The following HIVEP3 variants were observed in gnomAD, a reference collection of about 807,000 sequenced individuals.
The protein encoded by HIVEP3 is HIVEP zinc finger 3.
Under a neutral mutation model 152.8 loss-of-function variants are expected in HIVEP3, and 49 were observed. The ratio of observed to expected loss-of-function variants is 0.32; its 90% CI spans 0.26 to 0.41. HIVEP3 has a LOEUF of 0.41. Among genes scored for constraint, HIVEP3 ranks in the 10% least tolerant of loss-of-function variants. The pLI, the probability that HIVEP3 is intolerant of heterozygous loss-of-function variation, is 1.00. For missense variants in HIVEP3, 2,790 were observed against 3,103.3 expected (o/e 0.90, Z 2.40); for synonymous variants, 1,269 against 1,289.0 (o/e 0.98, Z 0.33).
chr1:41,673,761 C>A (rs1645912701), intron 2 of HIVEP3, among the ~76,000 whole-genome samples: 1 of 152,056 alleles, frequency 6.6e-6, no homozygotes, highest in South Asian at 2.1e-4. Flanking sequence ...TGCTGTTGAG[C>A]TAGGGAAGAA....
intron 1 of HIVEP3, among the ~76,000 whole-genome samples, chr1:41,857,983 A>ATCTCTCTCTCTCTCTC (rs56967197): frequency 0.018 from 2,657 of 148,524 alleles, 57 homozygotes; most frequent in African/African-American, 0.044. Context: ...CAATCAATCA[A>ATCTCTCTCTCTCTCTC]TCTCTCTCTC....
chr1:42,001,083 G>C (rs1018672253), intron 1 of HIVEP3, among the ~76,000 whole-genome samples: 1 of 152,148 alleles, frequency 6.6e-6, no homozygotes, highest in Non-Finnish European at 1.5e-5. Context: ...TTGAATCCAG[G>C]TGGTCTGATC....
intron 3 of HIVEP3, among the ~76,000 whole-genome samples, chr1:41,611,953 T>C (rs1644904343): frequency 1.3e-5 from 2 of 152,112 alleles, no homozygotes; most frequent in African/African-American, 4.8e-5. Flanking sequence ...TCTGTGAAGA[T>C]ATAAACTCGC....
At chr1:41,954,778 C>T (rs564766081) in intron 1 of HIVEP3, among the ~76,000 whole-genome samples, 6 of 152,328 alleles carry the variant, frequency 3.9e-5, no homozygotes, top group East Asian at 3.9e-4. Flanking sequence ...GTTGCTTCAT[C>T]GCTCTTAGTC....
intron 5 of HIVEP3, chr1:41,544,121 G>C (rs1360753524): frequency 6.6e-6 from 1 of 152,058 alleles, no homozygotes; most frequent in Non-Finnish European, 1.5e-5. Flanking sequence ...AAGATGAAGA[G>C]GAACGTCTCT....
rs181437623 is a variant in HIVEP3 at position 41,704,254 on chromosome 1, T to C, written c.-800-3259A>G. Among the ~76,000 whole-genome samples the C allele has an allele frequency of 2.0e-3, 305 of 152,334 alleles. 1 individual carries two copies. The highest frequency in any genetic ancestry group is 3.5e-3 in the Non-Finnish European group (238 of 68,028). ...CACCGCTTTCTCCCTCACATGGGATTTGGGGGCCTTCACCAGGGATGGACT... is the reference window on the plus strand; with the variant it reads ...CACCGCTTTCTCCCTCACATGGGATCTGGGGGCCTTCACCAGGGATGGACT... On this transcript the variant is annotated intron_variant, in intron 1 of 8. Transcript: ENST00000372583.
chr1:42,032,633 C>A (rs1319444440), intron 1 of HIVEP3, among the ~76,000 whole-genome samples: 2 of 152,164 alleles, frequency 1.3e-5, no homozygotes, highest in African/African-American at 4.8e-5. Context: ...CCCAAGCCTC[C>A]ATCCTCTTAT....
In HIVEP3 at chr1:41,668,883, G is replaced by A. The variant is rs150504985; in HGVS notation, c.-721+32033C>T. ...CCCTACTAGGTTAGGAGAGCTCTGG[G>A]GTCAATGCTTGGTACCTACTAGGTG... On this transcript the variant is annotated intron_variant, in intron 2 of 8. Coordinates refer to ENST00000372583, the MANE Select transcript of HIVEP3 (RefSeq NM_024503.5). 8.1e-3 allele frequency among the ~76,000 whole-genome samples: 1,227 copies of A among 152,240 alleles called. 14 individuals carry two copies. The highest frequency in any genetic ancestry group is 0.048 in the Middle Eastern group (14 of 294).
chr1:41,751,599 C>A (rs763812339), intron 1 of HIVEP3, among the ~76,000 whole-genome samples: 6 of 152,104 alleles, frequency 3.9e-5, no homozygotes, highest in Non-Finnish European at 5.9e-5. Context: ...TTCAGGTGTG[C>A]GTTCTTCAAC....
At chr1:41,836,220 C>T (rs1396351359) in intron 1 of HIVEP3, among the ~76,000 whole-genome samples, 2 of 152,228 alleles carry the variant, frequency 1.3e-5, no homozygotes, top group Non-Finnish European at 2.9e-5. Context: ...TGGCTGAGCC[C>T]TCTGCCCCGC....
chr1:41,799,981 G>A (rs1650210342), intron 1 of HIVEP3, among the ~76,000 whole-genome samples: 1 of 152,156 alleles, frequency 6.6e-6, no homozygotes, highest in Non-Finnish European at 1.5e-5. Flanking sequence ...CCTAGGAGCA[G>A]CCTTACCCAA....
intron 1 of HIVEP3, among the ~76,000 whole-genome samples, chr1:41,868,424 A>C (rs559803220): frequency 6.6e-6 from 1 of 152,074 alleles, no homozygotes; most frequent in Admixed American, 6.5e-5. Context: ...TTTTATGCAA[A>C]TAAGTCTCTT....
chr1:41,730,020 C>T (rs1646814266), intron 1 of HIVEP3, among the ~76,000 whole-genome samples: 1 of 152,206 alleles, frequency 6.6e-6, no homozygotes, highest in South Asian at 2.1e-4. Context: ...AGTGAGTCGG[C>T]CAAGGTCCTC....
rs922760595 is a variant in HIVEP3 at position 41,580,110 on chromosome 1, G to A, written c.4688C>T (p.Pro1563Leu). The A allele has an allele frequency of 8.1e-6, 13 of 1,614,126 alleles. No individual in the cohort carries two copies. The highest frequency in any genetic ancestry group is 1.1e-5 in the Non-Finnish European group (13 of 1,180,052). The change falls in exon 4 of 9, where the codon CCC (proline) becomes CTC (leucine). Residue 1563 changes from proline (P) to leucine (L), a missense_variant. Coordinates refer to ENST00000372583, the MANE Select transcript of HIVEP3 (RefSeq NM_024503.5). ...KEDSKEQPDL[P>L]SLAPPSSLPL... is the part of the protein sequence containing the mutation. Reference sequence around the variant, plus strand: ...CAGAGAGCTCGGAGGTGCCAAGGAGGGGAGATCAGGTTGTTCCTTGGAATC... The same window carrying A: ...CAGAGAGCTCGGAGGTGCCAAGGAGAGGAGATCAGGTTGTTCCTTGGAATC...
chr1:41,994,820 T>C (rs1426536521), intron 1 of HIVEP3, among the ~76,000 whole-genome samples: 2 of 152,010 alleles, frequency 1.3e-5, no homozygotes, highest in Non-Finnish European at 2.9e-5. Context: ...ATATAAAGTA[T>C]AAGCCTATCT....
In HIVEP3 at chr1:41,825,637, ACT is replaced by A. The variant is rs554048327; in HGVS notation, c.-801+92774_-801+92775del. Among the ~76,000 whole-genome samples, 267 of 151,480 alleles carry A rather than the reference ACT, an allele frequency of 1.8e-3. 2 individuals are homozygous for A. Among genetic ancestry groups the A allele is most frequent in the African/African-American group, 6.0e-3 (248 of 41,214 alleles). On this transcript the variant is annotated intron_variant, in intron 1 of 8. Coordinates refer to ENST00000372583, the MANE Select transcript of HIVEP3 (RefSeq NM_024503.5). Reference sequence around the variant, plus strand: ...TATATATTTTTTGAAACAGGGTCTCACTCTGTCACCCAGGTTGGAGTGCGGTA... The same window carrying A: ...TATATATTTTTTGAAACAGGGTCTCACTGTCACCCAGGTTGGAGTGCGGTA...
intron 1 of HIVEP3, among the ~76,000 whole-genome samples, chr1:41,715,599 G>C (rs546073023): frequency 6.6e-6 from 1 of 152,322 alleles, no homozygotes; most frequent in African/African-American, 2.4e-5. Context: ...AAGAGGCCTG[G>C]TATTTTTACT....
chr1:41,613,125 G>T (rs532410204), intron 3 of HIVEP3, among the ~76,000 whole-genome samples: 20 of 152,358 alleles, frequency 1.3e-4, no homozygotes, highest in Admixed American at 1.2e-3. Context: ...CTCACTGCCT[G>T]CAGGGACACT....
At chr1:41,985,056 GTTGA>G (rs1445569513) in intron 1 of HIVEP3, among the ~76,000 whole-genome samples, 6 of 152,296 alleles carry the variant, frequency 3.9e-5, no homozygotes, top group Admixed American at 1.3e-4. Context: ...TGACTGGTTG[GTTGA>G]TTGATTGATT....
Sources: gnomAD v4.1 joint callset for allele counts (sites outside exome capture counted in the v4.1 genomes callset) on GRCh38, gnomAD v4.1.1 for gene constraint, MANE v1.5 for transcripts, NCBI Gene and HGNC (gene_info 2026-07-23, HGNC 2026-07-21) for gene names.